The following DBX2 variants were observed in gnomAD, a reference collection of about 807,000 sequenced individuals.
DBX2 encodes developing brain homeobox 2, also known as homeobox protein DBX2.
A neutral mutation model predicts 17.7 loss-of-function variants in DBX2; 16 were observed. That is an observed-to-expected ratio of 0.90 (90% CI 0.61 to 1.37). The LOEUF is 1.37. DBX2 is among the 40% of genes most tolerant of loss of function. The pLI is 0.00. For synonymous variants in DBX2, 255 were observed against 183.8 expected (o/e 1.39, Z -3.13); for missense variants, 538 against 433.8 (o/e 1.24, Z -2.13).
At chr12:45,041,363 C>G (rs1222823985) in intron 1 of DBX2, among the ~76,000 whole-genome samples, 2 of 152,024 alleles carry the variant, frequency 1.3e-5, no homozygotes, top group Non-Finnish European at 2.9e-5. Flanking sequence ...ATTGAACCGA[C>G]AGTCTAGGGT....
At chr12:45,035,318 C>T (rs1765490406) in intron 2 of DBX2, among the ~76,000 whole-genome samples, 1 of 152,184 alleles carries the variant, frequency 6.6e-6, no homozygotes, top group South Asian at 2.1e-4. Flanking sequence ...AACTCAAATT[C>T]CCTGCCTAGA....
At chr12:45,042,270 G>T (rs913475539) in intron 1 of DBX2, among the ~76,000 whole-genome samples, 1 of 152,160 alleles carries the variant, frequency 6.6e-6, no homozygotes, top group African/African-American at 2.4e-5. Flanking sequence ...ACATAAAAAA[G>T]CTGTATTGTG....
At chr12:45,031,456 C>T (rs1340167535) in intron 2 of DBX2, among the ~76,000 whole-genome samples, 1 of 152,022 alleles carries the variant, frequency 6.6e-6, no homozygotes, top group East Asian at 1.9e-4. Flanking sequence ...TCCCTAAGCT[C>T]CACTCATTGG....
chr12:45,029,105 C>G (rs930925375), intron 2 of DBX2, among the ~76,000 whole-genome samples: 6 of 152,258 alleles, frequency 3.9e-5, no homozygotes, highest in African/African-American at 1.4e-4. Context: ...ACATGTCCAA[C>G]TATTCATAAA....
intron 2 of DBX2, among the ~76,000 whole-genome samples, chr12:45,029,668 C>T (rs1417595973): frequency 8.6e-5 from 13 of 151,882 alleles, no homozygotes; most frequent in South Asian, 2.1e-4. Context: ...AGTTTGAGAC[C>T]AGCCTGGCCA....
At chr12:45,021,221 T>C (rs953983490) in intron 3 of DBX2, among the ~76,000 whole-genome samples, 2 of 152,198 alleles carry the variant, frequency 1.3e-5, no homozygotes, top group Admixed American at 6.5e-5. Flanking sequence ...ACTTCTGAGA[T>C]GCTCTACCAA....
At chr12:45,049,690 TCA>T (rs1183344606) in intron 1 of DBX2, among the ~76,000 whole-genome samples, 7 of 151,754 alleles carry the variant, frequency 4.6e-5, no homozygotes, top group Non-Finnish European at 1.0e-4. Flanking sequence ...CAATTGGGTC[TCA>T]GTTTCTGAGT....
intron 1 of DBX2, among the ~76,000 whole-genome samples, chr12:45,040,807 T>C (rs1946467177): frequency 6.6e-6 from 1 of 152,192 alleles, no homozygotes; most frequent in African/African-American, 2.4e-5. Context: ...TTTTTGTCCT[T>C]TTTATTCTCC....
At chr12:45,027,345 C>G (rs536192348) in intron 2 of DBX2, among the ~76,000 whole-genome samples, 24 of 152,330 alleles carry the variant, frequency 1.6e-4, no homozygotes, top group African/African-American at 5.3e-4. Context: ...TCCAAAGACA[C>G]GCAAAGGACT....
intron 1 of DBX2, among the ~76,000 whole-genome samples, chr12:45,048,817 T>C (rs1946514059): frequency 6.6e-6 from 1 of 152,156 alleles, no homozygotes; most frequent in African/African-American, 2.4e-5. Context: ...CTTCAATGAG[T>C]GTTGAATAAA....
Position 45,050,900 on chromosome 12 carries a change from C to G in DBX2, c.28G>C (p.Ala10Pro). MLPSAVAAH[A>P]GAYWDVVASS... The stretch of plus-strand genomic sequence containing the variant: ...GCCACAACGTCCCAGTACGCACCGG[C>G]GTGGGCTGCGACCGCGCTGGGGAGC... The change falls in exon 1 of 4, where the codon GCC (alanine) becomes CCC (proline). Residue 10 changes from alanine to proline, a missense_variant. Coordinates refer to ENST00000332700, the MANE Select transcript of DBX2 (RefSeq NM_001004329.3). The G allele has an allele frequency of 1.3e-6, 2 of 1,512,954 alleles. No individual in the cohort carries two copies. The highest frequency in any genetic ancestry group is 1.8e-6 in the Non-Finnish European group (2 of 1,132,596). The allele number at this position is 1,512,954 out of a possible 1,614,324, so 93.7% of individuals were successfully genotyped here.
At chr12:45,019,503 T>C (rs1946340435) in intron 3 of DBX2, among the ~76,000 whole-genome samples, 1 of 152,078 alleles carries the variant, frequency 6.6e-6, no homozygotes, top group African/African-American at 2.4e-5. Flanking sequence ...AAGAGTGAAA[T>C]TTTCATATGT....
chr12:45,040,682 T>A (rs958753780), intron 1 of DBX2, among the ~76,000 whole-genome samples: 8 of 152,226 alleles, frequency 5.3e-5, no homozygotes, highest in African/African-American at 1.9e-4. Flanking sequence ...TGATTTTTTT[T>A]AACTTAGCTG....
At chr12:45,047,395 T>C (rs1329827804) in intron 1 of DBX2, among the ~76,000 whole-genome samples, 1 of 152,100 alleles carries the variant, frequency 6.6e-6, no homozygotes, top group Non-Finnish European at 1.5e-5. Flanking sequence ...TACCCAATAT[T>C]GCCCTAAATG....
intron 1 of DBX2, among the ~76,000 whole-genome samples, chr12:45,046,265 G>T (rs1396320486): frequency 1.3e-5 from 2 of 152,146 alleles, no homozygotes; most frequent in Admixed American, 1.3e-4. Flanking sequence ...AAATAAAAAG[G>T]TATGTTGAGC....
At chr12:45,039,321 A>ATG (rs200211880) in intron 1 of DBX2, among the ~76,000 whole-genome samples, 96 of 103,666 alleles carry the variant, frequency 9.3e-4, no homozygotes, top group African/African-American at 2.9e-3. Flanking sequence ...ATATATATAT[A>ATG]TGTATCACAC....
chr12:45,015,467 G>C lies in DBX2; in HGVS notation c.*819C>G, dbSNP rs1216794028. The C allele has an allele frequency of 1.3e-5, 2 of 152,004 alleles. No individual in the cohort carries two copies. Among genetic ancestry groups the C allele is most frequent in the African/African-American group, 4.8e-5 (2 of 41,386 alleles). 9.4% of individuals were successfully genotyped at this position (152,004 alleles called of 1,614,324 possible). ...AAATTACTTGACTCAAATATCTCTG[G>C]GTGGGCCATACCCTCTATTTACCTG... On this transcript the variant is annotated 3_prime_UTR_variant, in exon 4 of 4. Coordinates refer to ENST00000332700, the MANE Select transcript of DBX2 (RefSeq NM_001004329.3).
At chr12:45,031,198 G>C (rs966985374) in intron 2 of DBX2, among the ~76,000 whole-genome samples, 1 of 78,042 alleles carries the variant, frequency 1.3e-5, no homozygotes, top group Non-Finnish European at 3.0e-5. Context: ...TCAAGTGTGT[G>C]TGTGTGTGTG....
intron 2 of DBX2, among the ~76,000 whole-genome samples, chr12:45,031,191 AGT>A (rs113442613): frequency 1.2e-3 from 124 of 99,380 alleles, no homozygotes; most frequent in Non-Finnish European, 1.9e-3. Flanking sequence ...CTTATTTTCA[AGT>A]GTGTGTGTGT....
Sources: gnomAD v4.1 joint callset for allele counts (sites outside exome capture counted in the v4.1 genomes callset) on GRCh38, gnomAD v4.1.1 for gene constraint, MANE v1.5 for transcripts, NCBI Gene and HGNC (gene_info 2026-07-23, HGNC 2026-07-21) for gene names.